Variants in TSC2 observed in about 807,000 individuals in gnomAD.
TSC2 encodes the protein TSC complex subunit 2, also known as tuberin.
In TSC2, 29 loss-of-function variants were observed where a neutral mutation model predicts 202.2. The ratio of observed to expected loss-of-function variants is 0.14; its 90% CI spans 0.11 to 0.20. The LOEUF is 0.20. Among genes scored for constraint, TSC2 ranks in the 10% least tolerant of loss-of-function variants. The probability of loss-of-function intolerance (pLI) is 1.00; values close to 1 mark genes in which losing one functional copy is unlikely to be tolerated. For missense variants in TSC2, 2,429 were observed against 2,420.0 expected, an observed-to-expected ratio of 1.00 and a Z score of -0.08; for synonymous variants, 1,349 against 1,044.0, an observed-to-expected ratio of 1.29 and a Z score of -5.63.
At chr16:2,057,774 C>T (rs2086060251) in intron 9 of TSC2, among the ~76,000 whole-genome samples, 1 of 151,812 alleles carries the variant, frequency 6.6e-6, no homozygotes. Flanking sequence ...AGCCCTGCCT[C>T]AGCCCTGCAT....
chr16:2,081,847 G>C, intron 31 of TSC2, 49 bp downstream of exon 31: 4 of 1,594,950 alleles, frequency 2.5e-6, no homozygotes, highest in East Asian at 2.3e-5. Flanking sequence ...CACTGGCCTG[G>C]TGCTCCCGGT....
intron 6 of TSC2, 73 bp from the exon 7 acceptor site, chr16:2,056,123 G>A: frequency 2.5e-6 from 4 of 1,595,338 alleles, no homozygotes; most frequent in South Asian, 2.2e-5. Context: ...GTCATAGAGT[G>A]ACTAGACCAC....
chr16:2,076,422 G>A lies in TSC2; in HGVS notation c.2743-69G>A, dbSNP rs982707959. 1.0e-5 allele frequency: 16 copies of A among 1,602,478 alleles called. 1 individual carries two copies. In the East Asian group the frequency reaches 1.6e-4, roughly 16 times the overall value. On this transcript the variant is annotated intron_variant, in intron 24 of 41. Transcript: ENST00000219476. Reference sequence around the variant, plus strand: ...GCTTGTCCCTGGCCAGGGGGCACCCGGCAGGCCTGGTGAGGGCCTCCAGCC... The same window carrying A: ...GCTTGTCCCTGGCCAGGGGGCACCCAGCAGGCCTGGTGAGGGCCTCCAGCC...
At chr16:2,060,296 C>T (rs2151129548) in intron 10 of TSC2, among the ~76,000 whole-genome samples, 1 of 152,312 alleles carries the variant, frequency 6.6e-6, no homozygotes, top group East Asian at 1.9e-4. Context: ...ATCCTCTGCT[C>T]TTCCTGCTAC....
rs1222534983 is a variant in TSC2 at position 2,054,337 on chromosome 16, C to G, written c.378C>G (p.Val126=). Residue 126 remains valine (V), a synonymous_variant, in exon 5 of 42, where the codon GTC becomes GTG. Transcript: ENST00000219476. ...TCCTCAGAGCCCTCTTCTTTAAGGT[C>G]ATCAAGGATTACCCTTCCAACGAAG... ...LGVLRALFFK[V]IKDYPSNEDL... The G allele has an allele frequency of 6.2e-7, 1 of 1,614,024 alleles. No homozygotes were observed. The highest frequency in any genetic ancestry group is 1.3e-5 in the African/African-American group (1 of 74,892).
At position 2,084,431 on chromosome 16, in the gene TSC2, C is replaced by T. The variant is rs1257841799; in HGVS notation, c.4209C>T (p.Asp1403=). The T allele has an allele frequency of 1.2e-6, 2 of 1,610,528 alleles. No individual in the cohort carries two copies. Residue 1403 remains aspartate (D), a synonymous_variant, in exon 34 of 42, where the codon GAC becomes GAT. Coordinates refer to ENST00000219476, the MANE Select transcript of TSC2 (RefSeq NM_000548.5). ...AGGACATCCTCGGGGACCCTGGGGA[C>T]AAGGCCGACGTGGGCCGGCTGAGCC... The part of the protein sequence containing the change: ...TLQDILGDPG[D]KADVGRLSPE...
At chr16:2,054,575 GCACCTGGGCT>G (rs1487098983) in intron 5 of TSC2, 135 bp downstream of exon 5, 1 of 1,344,054 alleles carries the variant, frequency 7.4e-7, no homozygotes, top group Non-Finnish European at 1.1e-6. Flanking sequence ...CCTGCTTCAT[GCACCTGGGCT>G]CACCTGCGTG....
chr16:2,074,708 G>A lies in TSC2; in HGVS notation c.2545+319G>A, dbSNP rs1309633475. ...GCACACGCCGCTTCAGGGGGGCTTT[G>A]TTCGCTTCCCCCAGACTGTGACTTC... On this transcript the variant is annotated intron_variant, in intron 22 of 41. Coordinates refer to ENST00000219476, the MANE Select transcript of TSC2 (RefSeq NM_000548.5). 9 of 443,888 alleles carry A rather than the reference G, an allele frequency of 2.0e-5. 1 individual carries two copies. Among genetic ancestry groups the A allele is most frequent in the Admixed American group, 1.0e-4 (3 of 29,074 alleles). 27.5% of individuals were successfully genotyped at this position (443,888 alleles called of 1,614,324 possible). A position where few individuals can be genotyped will look rare whatever the true frequency, so the allele number is the denominator to read the frequency against.
rs2151309455 is a variant in TSC2, at chr16:2,071,945, C to A, written c.2097+11C>A. 6.4e-7 allele frequency: 1 copy of A among 1,565,842 alleles called. No homozygotes were observed. The highest frequency in any genetic ancestry group is 1.2e-5 in the South Asian group (1 of 86,072). Reference sequence around the variant, plus strand: ...CAGTGCTTGAAGCAGGTGAGTGGGGCCGGGCAGGGACCATCCGTCCCACGT... The same window carrying A: ...CAGTGCTTGAAGCAGGTGAGTGGGGACGGGCAGGGACCATCCGTCCCACGT... On this transcript the variant is annotated intron_variant, in intron 19 of 41. Transcript: ENST00000219476.
chr16:2,055,393 C>T lies in TSC2; in HGVS notation c.482-9C>T. 1.2e-6 allele frequency: 2 copies of T among 1,612,984 alleles called. No homozygotes were observed. The highest frequency in any genetic ancestry group is 2.2e-5 in the South Asian group (2 of 91,060). On this transcript the variant is annotated splice_polypyrimidine_tract_variant and intron_variant, in intron 5 of 41. Coordinates refer to ENST00000219476, the MANE Select transcript of TSC2 (RefSeq NM_000548.5). ...GCGTCCTCGCAAACTGCCGCCGCTTCTCCCCCAGCTGACTTTGTCCTGCAG... is the reference window on the plus strand; with the variant it reads ...GCGTCCTCGCAAACTGCCGCCGCTTTTCCCCCAGCTGACTTTGTCCTGCAG...
rs794726983 is a variant in TSC2, at chr16:2,058,753, C to T, written c.855C>T (p.Tyr285=). 1.9e-6 allele frequency: 3 copies of T among 1,582,262 alleles called. No homozygotes were observed. The African/African-American group carries it at 4.0e-5, about 21-fold the overall frequency. ...CTCTGGGGAACACTTTTAGAGCCTA[C>T]ATGGAGGACGCGCCCCTGCTGAGAG... The part of the protein sequence containing the change: ...NMCHLMEDRA[Y]MEDAPLLRGA... The change falls in exon 10 of 42, where the codon TAC becomes TAT. Residue 285 remains tyrosine (Y), a synonymous_variant. Coordinates refer to ENST00000219476, the MANE Select transcript of TSC2 (RefSeq NM_000548.5).
chr16:2,085,073 G>C (rs45517351), intron 35 of TSC2, 47 bp downstream of exon 35: 6 of 1,610,458 alleles, frequency 3.7e-6, no homozygotes, highest in Non-Finnish European at 5.1e-6. Flanking sequence ...TGTGTGGCTC[G>C]GGTGAATGGT....
At chr16:2,064,133 T>G in intron 14 of TSC2, 139 bp from the exon 15 acceptor site, 1 of 1,388,852 alleles carries the variant, frequency 7.2e-7, no homozygotes, top group African/African-American at 1.4e-5. Flanking sequence ...CAGCGGGTGC[T>G]TGTGCTCTCT....
In TSC2 at chr16:2,088,696, T is replaced by G. The variant is rs915706457; in HGVS notation, c.*86T>G. The G allele has an allele frequency of 1.1e-4, 157 of 1,490,380 alleles. 1 individual carries two copies. The highest frequency in any genetic ancestry group is 1.7e-4 in the Middle Eastern group (1 of 5,816). The allele number at this position is 1,490,380 out of a possible 1,614,324, so 92.3% of individuals were successfully genotyped here. On this transcript the variant is annotated 3_prime_UTR_variant, in exon 42 of 42. Transcript: ENST00000219476. ...AAGTCCTGACCCCAGTGCACAGACATAGAGGCACAGATTGCAGTCAGACAG... is the reference window on the plus strand; with the variant it reads ...AAGTCCTGACCCCAGTGCACAGACAGAGAGGCACAGATTGCAGTCAGACAG...
chr16:2,050,046 C>T (rs1290155302), intron 2 of TSC2, among the ~76,000 whole-genome samples: 1 of 151,082 alleles, frequency 6.6e-6, no homozygotes, highest in Non-Finnish European at 1.5e-5. Flanking sequence ...ATCTCCGCCT[C>T]CTGGGTTCAA....
At position 2,084,528 on chromosome 16, in the gene TSC2, G is replaced by A. The variant is rs2090518816; in HGVS notation, c.4306G>A (p.Asp1436Asn). ...ESAAWSASGE[D>N]SRGQPEGPLP... ...TGCTGCCTGGTCGGCCTCGGGCGAA[G>A]ACAGTCGGGGCCAGCCCGAGGGTCC... The change falls in exon 34 of 42, where the codon GAC (aspartate) becomes AAC (asparagine). Residue 1436 changes from aspartate to asparagine, a missense_variant. Physicochemically the swap from Asp to Asn is conservative, Grantham distance 23 (BLOSUM62 1). Transcript: ENST00000219476. The A allele has an allele frequency of 1.2e-6, 2 of 1,609,468 alleles. No individual in the cohort carries two copies. Among genetic ancestry groups the A allele is most frequent in the East Asian group, 2.2e-5 (1 of 44,816 alleles).
rs762104739 is a variant in TSC2 at position 2,056,738 on chromosome 16, A to T, written c.743A>T (p.Asn248Ile). Residue 248 changes from asparagine to isoleucine, a missense_variant, in exon 8 of 42, where the codon AAC becomes ATC. Transcript: ENST00000219476. ...ATCGTTACCCTCTGTCGCACCATCA[A>T]CGTCAAGGAGCTCTGCGAGCCTTGC... ...LFIVTLCRTI[N>I]VKELCEPCWK... 6.2e-7 allele frequency: 1 copy of T among 1,611,628 alleles called. No individual in the cohort carries two copies. Among genetic ancestry groups the T allele is most frequent in the African/African-American group, 1.3e-5 (1 of 75,040 alleles).
intron 16 of TSC2, among the ~76,000 whole-genome samples, chr16:2,068,942 C>T (rs2087802787): frequency 4.0e-5 from 6 of 151,118 alleles, no homozygotes; most frequent in Admixed American, 3.3e-4. Context: ...GGAAGTGGCT[C>T]ATCACCAAGG....
chr16:2,088,390 G>A, intron 41 of TSC2, 56 bp from the exon 42 acceptor site: 1 of 1,612,432 alleles, frequency 6.2e-7, no homozygotes, highest in Non-Finnish European at 8.5e-7. Context: ...CGGGTGTGTG[G>A]GCAGAGCGGT....
Sources: gnomAD v4.1 joint callset for allele counts (sites outside exome capture counted in the v4.1 genomes callset) on GRCh38, gnomAD v4.1.1 for gene constraint, MANE v1.5 for transcripts, NCBI Gene and HGNC (gene_info 2026-07-23, HGNC 2026-07-21) for gene names.